CPNE8: variants seen among roughly 807,000 people sequenced by gnomAD.
CPNE8 encodes copine-8.
A neutral mutation model predicts 81.5 loss-of-function variants in CPNE8; 45 were observed. The ratio of observed to expected loss-of-function variants is 0.55; its 90% CI spans 0.44 to 0.71. The LOEUF is 0.71. CPNE8 is among the 30% of genes least tolerant of loss of function. The probability of loss-of-function intolerance (pLI) is 0.00; values close to 1 mark genes in which losing one functional copy is unlikely to be tolerated. For synonymous variants in CPNE8, 252 were observed against 226.3 expected, an observed-to-expected ratio of 1.11 and a Z score of -1.02; for missense variants, 594 against 672.1, an observed-to-expected ratio of 0.88 and a Z score of 1.28.
At chr12:38,805,677 T>TAAAAAAAAAAAAAAAAACAA (rs71068581) in intron 6 of CPNE8, among the ~76,000 whole-genome samples, 1 of 104,844 alleles carries the variant, frequency 9.5e-6, no homozygotes, top group Non-Finnish European at 1.9e-5. Flanking sequence ...AAAAAAACAT[T>TAAAAAAAAAAAAAAAAACAA]AAAAAAAAAA....
At chr12:38,755,162 T>G (rs1941430922) in intron 10 of CPNE8, among the ~76,000 whole-genome samples, 1 of 152,188 alleles carries the variant, frequency 6.6e-6, no homozygotes, top group African/African-American at 2.4e-5. Context: ...GTATGGCATT[T>G]TGCAGACAAA....
chr12:38,819,640 G>A lies in CPNE8; in HGVS notation c.407+9739C>T, dbSNP rs367659853. On this transcript the variant is annotated intron_variant, in intron 6 of 19. Transcript: ENST00000331366. ...AAATTAGCCGGGCGTGATGGCGGGC[G>A]CCTGTAGTCCCAGCTACTCGGGAGG... Among the ~76,000 whole-genome samples, 18 of 151,782 alleles carry A rather than the reference G, an allele frequency of 1.2e-4. No homozygotes were observed. In the South Asian group the frequency reaches 2.9e-3, roughly 25 times the overall value.
At chr12:38,906,732 C>T (rs1944577301), upstream of CPNE8, 2 of 430,460 alleles carry the variant, frequency 4.6e-6, no homozygotes, top group Non-Finnish European at 6.2e-6. Flanking sequence ...ACCTTTGTTC[C>T]CCGCGCCTTC....
chr12:38,794,789 T>A (rs1374896700), intron 6 of CPNE8, among the ~76,000 whole-genome samples: 1 of 152,174 alleles, frequency 6.6e-6, no homozygotes, highest in Non-Finnish European at 1.5e-5. Flanking sequence ...AGTGTCAACT[T>A]GATTGGTTGA....
At chr12:38,720,031 G>A (rs577577972) in intron 13 of CPNE8, among the ~76,000 whole-genome samples, 3 of 152,212 alleles carry the variant, frequency 2.0e-5, no homozygotes, top group Non-Finnish European at 2.9e-5. Context: ...TGTCGCCCAG[G>A]CTGGAGTGCA....
chr12:38,783,908 G>A (rs1393489538), intron 6 of CPNE8, among the ~76,000 whole-genome samples: 3 of 152,156 alleles, frequency 2.0e-5, no homozygotes, highest in African/African-American at 7.2e-5. Flanking sequence ...GTACCAACAA[G>A]CCCAGACAGT....
intron 7 of CPNE8, among the ~76,000 whole-genome samples, chr12:38,773,745 A>G (rs1367009011): frequency 1.3e-5 from 2 of 152,140 alleles, no homozygotes; most frequent in Non-Finnish European, 2.9e-5. Context: ...ATGTTCCCTA[A>G]AGTATAAATT....
intron 17 of CPNE8, chr12:38,676,321 G>T (rs1043781433): frequency 4.1e-6 from 4 of 984,580 alleles, no homozygotes; most frequent in Non-Finnish European, 4.8e-6. Flanking sequence ...CTTCGGAAAT[G>T]ACCAGCCCTG....
At chr12:38,711,110 A>T (rs999270176) in intron 13 of CPNE8, among the ~76,000 whole-genome samples, 1 of 152,224 alleles carries the variant, frequency 6.6e-6, no homozygotes, top group Admixed American at 6.5e-5. Flanking sequence ...ATGTTTCAAG[A>T]GAAAATTACT....
At chr12:38,783,533 C>T (rs926545290) in intron 6 of CPNE8, among the ~76,000 whole-genome samples, 1 of 152,044 alleles carries the variant, frequency 6.6e-6, no homozygotes, top group Non-Finnish European at 1.5e-5. Context: ...GAAAGTAAAA[C>T]CAAACCAAAC....
At chr12:38,826,051 C>T (rs1487177093) in intron 6 of CPNE8, among the ~76,000 whole-genome samples, 1 of 152,012 alleles carries the variant, frequency 6.6e-6, no homozygotes, top group Non-Finnish European at 1.5e-5. Flanking sequence ...TGTTTCTTTG[C>T]TTTTTTCTTT....
At chr12:38,854,941 T>C (rs1943706752) in intron 3 of CPNE8, among the ~76,000 whole-genome samples, 2 of 151,996 alleles carry the variant, frequency 1.3e-5, no homozygotes, top group African/African-American at 4.8e-5. Flanking sequence ...GCATGCAAAT[T>C]GGAAAGAAAG....
chr12:38,777,230 C>T (rs1420195880), intron 6 of CPNE8, among the ~76,000 whole-genome samples: 1 of 151,572 alleles, frequency 6.6e-6, no homozygotes, highest in South Asian at 2.1e-4. Flanking sequence ...AAATGTATAA[C>T]TTTGTGTCTT....
chr12:38,841,808 C>G (rs1249982165), intron 4 of CPNE8, among the ~76,000 whole-genome samples: 1 of 152,078 alleles, frequency 6.6e-6, no homozygotes, highest in African/African-American at 2.4e-5. Context: ...CTTTTTCTGT[C>G]TTTATCAAAA....
chr12:38,743,996 T>C (rs975775818), intron 10 of CPNE8, among the ~76,000 whole-genome samples: 5 of 152,216 alleles, frequency 3.3e-5, no homozygotes, highest in Non-Finnish European at 7.4e-5. Flanking sequence ...ATGACATGAA[T>C]AAATAGCTAA....
At chr12:38,809,663 C>A (rs1243258803) in intron 6 of CPNE8, among the ~76,000 whole-genome samples, 1 of 152,156 alleles carries the variant, frequency 6.6e-6, no homozygotes, top group African/African-American at 2.4e-5. Context: ...ACTCCCTGCC[C>A]AGGTCCCTGA....
At chr12:38,685,653 C>G (rs944814168) in intron 15 of CPNE8, 36 bp from the exon 16 acceptor site, 7 of 1,595,152 alleles carry the variant, frequency 4.4e-6, no homozygotes, top group Non-Finnish European at 2.6e-6. Flanking sequence ...AACAAAACAA[C>G]AGTAAAAAAG....
intron 6 of CPNE8, among the ~76,000 whole-genome samples, chr12:38,820,633 C>T (rs1336119971): frequency 2.0e-5 from 3 of 152,102 alleles, no homozygotes; most frequent in African/African-American, 7.2e-5. Flanking sequence ...TATTAGAACT[C>T]ACCCTCCAAA....
Position 38,873,003 on chromosome 12 carries a change from C to T in CPNE8, c.186+1G>A. ...TTTTTTTAAAAAAGTTTTAAACTTACCTCTCTCCATTCTTTATTTCCAACT... is the reference window on the plus strand; with the variant it reads ...TTTTTTTAAAAAAGTTTTAAACTTATCTCTCTCCATTCTTTATTTCCAACT... On this transcript the variant is annotated splice_donor_variant, in intron 3 of 19. Transcript: ENST00000331366. LOFTEE classifies it high-confidence loss of function. 6.6e-7 allele frequency: 1 copy of T among 1,523,488 alleles called. No homozygotes were observed. Among genetic ancestry groups the T allele is most frequent in the Non-Finnish European group, 9.1e-7 (1 of 1,102,540 alleles). The allele number at this position is 1,523,488 out of a possible 1,614,324, so 94.4% of individuals were successfully genotyped here.
Sources: allele counts gnomAD v4.1 joint callset (sites outside exome capture counted in the v4.1 genomes callset), GRCh38; gene constraint gnomAD v4.1.1; transcripts MANE v1.5; gene names NCBI Gene and HGNC (gene_info 2026-07-23, HGNC 2026-07-21).